The following TINAG variants were observed in gnomAD, a reference collection of about 807,000 sequenced individuals.
TINAG encodes the protein tubulointerstitial nephritis antigen.
Under a neutral mutation model 72.7 loss-of-function variants are expected in TINAG, and 83 were observed. The observed-to-expected ratio is 1.14, with a 90% CI of 0.96 to 1.37. The LOEUF is 1.37. TINAG is among the 40% of genes most tolerant of loss of function. The probability of loss-of-function intolerance (pLI) is 0.00; values close to 1 mark genes in which losing one functional copy is unlikely to be tolerated. For missense variants in TINAG, 685 were observed against 576.6 expected, an observed-to-expected ratio of 1.19 and a Z score of -1.93; for synonymous variants, 234 against 189.9, an observed-to-expected ratio of 1.23 and a Z score of -1.91.
chr6:54,337,906 T>C (rs902903906), intron 4 of TINAG, among the ~76,000 whole-genome samples: 1 of 152,128 alleles, frequency 6.6e-6, no homozygotes, highest in East Asian at 1.9e-4. Context: ...ATCTCAGAAT[T>C]TTTTCATCCA....
Position 54,382,029 on chromosome 6 carries a change from A to T in TINAG, c.1296+1458A>T, listed in dbSNP as rs551374160. 1.7e-4 allele frequency among the ~76,000 whole-genome samples: 26 copies of T among 152,196 alleles called. No individual in the cohort carries two copies. In the East Asian group the frequency reaches 4.2e-3, roughly 25 times the overall value. ...CACACACACACATACACATACGCTGAGTATGATTATCTACTCACTCATTTT... is the reference window on the plus strand; with the variant it reads ...CACACACACACATACACATACGCTGTGTATGATTATCTACTCACTCATTTT... On this transcript the variant is annotated intron_variant, in intron 10 of 10. Transcript: ENST00000259782.
intron 4 of TINAG, among the ~76,000 whole-genome samples, chr6:54,342,119 A>G (rs1785011334): frequency 6.6e-6 from 1 of 152,080 alleles, no homozygotes; most frequent in Non-Finnish European, 1.5e-5. Flanking sequence ...AAACTAATAA[A>G]CAAATCGTTA....
chr6:54,358,580 G>A (rs1016591903), intron 9 of TINAG, among the ~76,000 whole-genome samples: 9 of 151,028 alleles, frequency 6.0e-5, no homozygotes, highest in South Asian at 4.2e-4. Flanking sequence ...GGAGATAGCT[G>A]AGGCACTCTT....
chr6:54,374,110 T>G (rs138618470), intron 9 of TINAG, among the ~76,000 whole-genome samples: 1 of 152,138 alleles, frequency 6.6e-6, no homozygotes, highest in Non-Finnish European at 1.5e-5. Context: ...CTTCTTTTCA[T>G]AGGTCAAATT....
intron 6 of TINAG, among the ~76,000 whole-genome samples, chr6:54,348,788 A>G (rs768430460): frequency 1.3e-5 from 2 of 152,134 alleles, no homozygotes; most frequent in Non-Finnish European, 2.9e-5. Flanking sequence ...TCATCATTTA[A>G]TACAAATGTA....
intron 9 of TINAG, among the ~76,000 whole-genome samples, chr6:54,358,417 G>A (rs571766735): frequency 5.3e-5 from 8 of 151,434 alleles, no homozygotes; most frequent in South Asian, 2.1e-4. Context: ...GTACTGATCC[G>A]TTGATCAGTA....
chr6:54,385,130 C>A (rs9395951), intron 10 of TINAG, among the ~76,000 whole-genome samples: 1 of 149,772 alleles, frequency 6.7e-6, no homozygotes, highest in African/African-American at 2.5e-5. Flanking sequence ...AAATTTAAAC[C>A]GAAGATAAAT....
rs773961502 is a variant in TINAG, at chr6:54,333,588, C to T, written c.624+6672C>T. Among the ~76,000 whole-genome samples, 110 of 151,546 alleles carry T rather than the reference C, an allele frequency of 7.3e-4. 1 individual carries two copies. The highest frequency in any genetic ancestry group is 3.4e-3 in the Middle Eastern group (1 of 294). ...CTTTGTAACAAACCTGCACGTTCTACACATGTATCCCAGAACTTGAAGTAT... is the reference window on the plus strand; with the variant it reads ...CTTTGTAACAAACCTGCACGTTCTATACATGTATCCCAGAACTTGAAGTAT... On this transcript the variant is annotated intron_variant, in intron 4 of 10. Transcript: ENST00000259782.
chr6:54,315,680 A>T (rs1419759935), intron 1 of TINAG, among the ~76,000 whole-genome samples: 1 of 79,216 alleles, frequency 1.3e-5, no homozygotes, highest in East Asian at 2.6e-4. Flanking sequence ...CTGTCAAAGT[A>T]AAAAAAAAAA....
At chr6:54,370,665 G>A (rs1158484105) in intron 9 of TINAG, among the ~76,000 whole-genome samples, 1 of 152,054 alleles carries the variant, frequency 6.6e-6, no homozygotes, top group African/African-American at 2.4e-5. Context: ...ACTCAAGGAA[G>A]CCACTGAGAG....
intron 9 of TINAG, among the ~76,000 whole-genome samples, chr6:54,376,648 T>G (rs1175891597): frequency 6.6e-6 from 1 of 152,138 alleles, no homozygotes; most frequent in African/African-American, 2.4e-5. Context: ...TTTAGCATAG[T>G]TATCTAAAAA....
chr6:54,388,508 C>T (rs932075717), intron 10 of TINAG, among the ~76,000 whole-genome samples: 45 of 152,248 alleles, frequency 3.0e-4, no homozygotes, highest in Admixed American at 2.9e-3. Flanking sequence ...TTGTAGAAAA[C>T]AGTGAAAGCT....
rs781542822 is a variant in TINAG, at chr6:54,349,910, G to A, written c.1080+14G>A. 4 of 1,513,684 alleles carry A rather than the reference G, an allele frequency of 2.6e-6. No homozygotes were observed. Among genetic ancestry groups the A allele is most frequent in the Non-Finnish European group, 3.6e-6 (4 of 1,120,324 alleles). 93.8% of individuals were successfully genotyped at this position (1,513,684 alleles called of 1,614,324 possible). A position where few individuals can be genotyped will look rare whatever the true frequency, so the allele number is the denominator to read the frequency against. ...GTCTCTTCCAACGTAAGTATAAATG[G>A]CAAGAATCAAGAATAGTTGGCTTTC... On this transcript the variant is annotated intron_variant, in intron 7 of 10. Transcript: ENST00000259782.
At chr6:54,379,330 A>G (rs17755505) in intron 9 of TINAG, among the ~76,000 whole-genome samples, 12,834 of 152,222 alleles carry the variant, frequency 0.084, 953 homozygotes, top group East Asian at 0.29. Flanking sequence ...ATATTGGACA[A>G]GTCTCCATTA....
chr6:54,317,818 C>T (rs542512132), intron 1 of TINAG, among the ~76,000 whole-genome samples: 4 of 152,242 alleles, frequency 2.6e-5, no homozygotes, highest in Admixed American at 1.3e-4. Context: ...CCAAGTCTCT[C>T]ATCAACCCAT....
At chr6:54,345,638 A>G (rs1785102940) in intron 5 of TINAG, among the ~76,000 whole-genome samples, 1 of 152,116 alleles carries the variant, frequency 6.6e-6, no homozygotes, top group Non-Finnish European at 1.5e-5. Context: ...CCTTTCCTTG[A>G]TGAAATGGGG....
At chr6:54,334,947 GT>G (rs908572868) in intron 4 of TINAG, among the ~76,000 whole-genome samples, 277 of 149,882 alleles carry the variant, frequency 1.8e-3, no homozygotes, top group South Asian at 0.012. Flanking sequence ...CAGAAAAAGA[GT>G]TTTTTTTTTC....
At chr6:54,338,549 G>A (rs1003786394) in intron 4 of TINAG, among the ~76,000 whole-genome samples, 3 of 151,784 alleles carry the variant, frequency 2.0e-5, no homozygotes, top group South Asian at 2.1e-4. Flanking sequence ...GTGAAACCCC[G>A]TTTGTACTAA....
At chr6:54,310,715 CCT>C (rs897671791) in intron 1 of TINAG, among the ~76,000 whole-genome samples, 7 of 116,622 alleles carry the variant, frequency 6.0e-5, no homozygotes, top group South Asian at 2.6e-4. Context: ...TCTTTCTCTC[CCT>C]CTTTCTTTTT....
Sources: allele counts gnomAD v4.1 joint callset (sites outside exome capture counted in the v4.1 genomes callset), GRCh38; gene constraint gnomAD v4.1.1; transcripts MANE v1.5; gene names NCBI Gene and HGNC (gene_info 2026-07-23, HGNC 2026-07-21).